The following DNAJB6 variants were observed in gnomAD, a reference collection of about 807,000 sequenced individuals.
DNAJB6 encodes DnaJ heat shock protein family (Hsp40) member B6.
A neutral mutation model predicts 42.7 loss-of-function variants in DNAJB6; 16 were observed. The ratio of observed to expected loss-of-function variants is 0.37; its 90% CI spans 0.25 to 0.57. The LOEUF is 0.57. Ranked by LOEUF, DNAJB6 falls within the 20% of genes least tolerant of loss-of-function variation. DNAJB6 has a pLI of 0.74. For synonymous variants in DNAJB6, 170 were observed against 163.5 expected, an observed-to-expected ratio of 1.04 and a Z score of -0.30; for missense variants, 347 against 416.8, an observed-to-expected ratio of 0.83 and a Z score of 1.46.
chr7:157,367,355 T>C lies in DNAJB6; in HGVS notation c.236-18T>C, dbSNP rs781120509. The C allele has an allele frequency of 6.6e-7, 1 of 1,514,518 alleles. No homozygotes were observed. The highest frequency in any genetic ancestry group is 1.1e-5 in the South Asian group (1 of 88,862). 93.8% of individuals were successfully genotyped at this position (1,514,518 alleles called of 1,614,324 possible). ...GCACCAAAATTCATAAACTAAAAGC[T>C]GTGTTGTATTTGTGCAGGTGGAAGT... is the stretch of plus-strand genomic sequence containing the variant. On this transcript the variant is annotated intron_variant, in intron 4 of 9. Coordinates refer to ENST00000262177, the MANE Select transcript of DNAJB6 (RefSeq NM_058246.4).
chr7:157,414,311 C>T (rs1796055624), intron 9 of DNAJB6: 1 of 152,112 alleles, frequency 6.6e-6, no homozygotes, highest in African/African-American at 2.4e-5. Flanking sequence ...GGTCCCGGGG[C>T]ACGAGGCTCC....
At chr7:157,385,125 C>T in intron 7 of DNAJB6, 117 bp downstream of exon 7, 2 of 1,101,694 alleles carry the variant, frequency 1.8e-6, no homozygotes, top group Non-Finnish European at 2.5e-6. Context: ...AATCTGGCGC[C>T]ATGAAAATCT....
intron 6 of DNAJB6, among the ~76,000 whole-genome samples, chr7:157,384,663 A>G (rs576639169): frequency 3.3e-5 from 5 of 152,160 alleles, no homozygotes. Flanking sequence ...GTTGCCCTAG[A>G]GTCCCCACTC....
At position 157,340,998 on chromosome 7, in the gene DNAJB6, G is replaced by GTGTGCGCGCGCGCT. The variant is rs67210462; in HGVS notation, c.-27+3854_-27+3855insTGTGCGCGCGCGCT. Among the ~76,000 whole-genome samples the GTGTGCGCGCGCGCT allele has an allele frequency of 2.5e-3, 337 of 135,028 alleles. 2 individuals are homozygous for GTGTGCGCGCGCGCT. The highest frequency in any genetic ancestry group is 9.2e-3 in the African/African-American group (288 of 31,430). The allele number at this position is 135,028 out of a possible 152,430, so 88.6% of individuals were successfully genotyped here. ...TGTGTGTGTGTGTGTGTGTGTGTGT[G>GTGTGCGCGCGCGCT]CGCGCGCGCAGGTGGAATCACCCTG... On this transcript the variant is annotated intron_variant, in intron 1 of 9. Coordinates refer to ENST00000262177, the MANE Select transcript of DNAJB6 (RefSeq NM_058246.4).
chr7:157,405,249 G>C (rs912586796), intron 8 of DNAJB6, among the ~76,000 whole-genome samples: 2 of 152,226 alleles, frequency 1.3e-5, no homozygotes, highest in Admixed American at 6.5e-5. Flanking sequence ...GGATGTTCGA[G>C]AGAATGTCCT....
At chr7:157,366,242 T>C (rs1400185339) in intron 3 of DNAJB6, among the ~76,000 whole-genome samples, 1 of 152,216 alleles carries the variant, frequency 6.6e-6, no homozygotes, top group Non-Finnish European at 1.5e-5. Context: ...TGAGCCACCA[T>C]GCCTGGCCGT....
At chr7:157,391,828 G>A (rs774465237) in intron 8 of DNAJB6, among the ~76,000 whole-genome samples, 1 of 152,162 alleles carries the variant, frequency 6.6e-6, no homozygotes, top group Non-Finnish European at 1.5e-5. Context: ...GTTACCAGGC[G>A]CAGTGGCTCA....
intron 1 of DNAJB6, among the ~76,000 whole-genome samples, chr7:157,346,947 T>C (rs4236180): frequency 0.7 from 106,668 of 152,182 alleles, 38,095 homozygotes; most frequent in African/African-American, 0.85. Context: ...GCTCCACCTC[T>C]CGGGTTCACA....
At chr7:157,370,944 A>G (rs114045767) in intron 5 of DNAJB6, 49 of 152,636 alleles carry the variant, frequency 3.2e-4, no homozygotes, top group African/African-American at 1.2e-3. Flanking sequence ...TCAGGGGTCA[A>G]CACCCTGGTC....
chr7:157,344,849 G>C (rs951171817), intron 1 of DNAJB6, among the ~76,000 whole-genome samples: 19 of 152,166 alleles, frequency 1.2e-4, no homozygotes, highest in African/African-American at 4.6e-4. Flanking sequence ...CTGAGCTGAA[G>C]TGATCCCCCT....
intron 1 of DNAJB6, among the ~76,000 whole-genome samples, chr7:157,353,586 G>GGTGA (rs1554453959): frequency 7.1e-6 from 1 of 140,038 alleles, no homozygotes. Context: ...TCTTGACCGG[G>GGTGA]GTGTGTGTGT....
At chr7:157,354,221 C>T (rs1799157587) in intron 1 of DNAJB6, among the ~76,000 whole-genome samples, 1 of 151,952 alleles carries the variant, frequency 6.6e-6, no homozygotes, top group Non-Finnish European at 1.5e-5. Context: ...GATCTCGGCT[C>T]ACCGCAGCCT....
At chr7:157,405,407 C>A (rs1295221423) in intron 8 of DNAJB6, among the ~76,000 whole-genome samples, 1 of 152,158 alleles carries the variant, frequency 6.6e-6, no homozygotes, top group Non-Finnish European at 1.5e-5. Context: ...TGGGTCTGTG[C>A]ATTCCCATAT....
At position 157,394,845 on chromosome 7, in the gene DNAJB6, C is replaced by G. The variant is rs578100480; in HGVS notation, c.691+9234C>G. On this transcript the variant is annotated intron_variant, in intron 8 of 9. Transcript: ENST00000262177. The stretch of plus-strand genomic sequence containing the variant: ...GACGTGGTGGCTTACGCCTGTAATT[C>G]CAGCACTTTGGGAGGCTGAGCTGCG... Among the ~76,000 whole-genome samples the G allele has an allele frequency of 2.6e-5, 4 of 152,346 alleles. No homozygotes were observed. In the South Asian group the frequency reaches 8.3e-4, roughly 32 times the overall value.
intron 9 of DNAJB6, chr7:157,414,534 T>TTCG (rs1796063422): frequency 6.6e-6 from 1 of 152,304 alleles, no homozygotes; most frequent in Non-Finnish European, 1.5e-5. Flanking sequence ...CTGTTCGTTC[T>TTCG]TTCTTTCCGT....
intron 1 of DNAJB6, among the ~76,000 whole-genome samples, chr7:157,352,636 C>G (rs979187121): frequency 6.6e-6 from 1 of 152,098 alleles, no homozygotes; most frequent in Admixed American, 6.5e-5. Flanking sequence ...TTTCTCTTTC[C>G]TTCCCACTTC....
At chr7:157,382,443 C>T in intron 6 of DNAJB6, 66 bp downstream of exon 6, 2 of 1,496,406 alleles carry the variant, frequency 1.3e-6, no homozygotes. Context: ...AATCATAATA[C>T]TCTTTTAGTT....
At chr7:157,356,710 A>G (rs1294921978) in intron 1 of DNAJB6, among the ~76,000 whole-genome samples, 1 of 152,250 alleles carries the variant, frequency 6.6e-6, no homozygotes, top group East Asian at 1.9e-4. Context: ...TTAAATTGGA[A>G]TAATTACAAG....
At chr7:157,367,728 G>A (rs183749083) in intron 5 of DNAJB6, among the ~76,000 whole-genome samples, 1 of 151,992 alleles carries the variant, frequency 6.6e-6, no homozygotes, top group Non-Finnish European at 1.5e-5. Context: ...GCATGGTGGC[G>A]CATGCCTGTA....
Sources: gnomAD v4.1 joint callset for allele counts (sites outside exome capture counted in the v4.1 genomes callset) on GRCh38, gnomAD v4.1.1 for gene constraint, MANE v1.5 for transcripts, NCBI Gene and HGNC (gene_info 2026-07-23, HGNC 2026-07-21) for gene names.